The following LARP4 variants were observed in gnomAD, a reference collection of about 807,000 sequenced individuals.
LARP4 encodes the protein la-related protein 4.
In LARP4, 29 loss-of-function variants were observed where a neutral mutation model predicts 92.9. The observed-to-expected ratio is 0.31, with a 90% CI of 0.23 to 0.43. LARP4 has a LOEUF of 0.43. Ranked by LOEUF, LARP4 falls within the 20% of genes least tolerant of loss-of-function variation. The probability of loss-of-function intolerance (pLI) is 1.00; values close to 1 mark genes in which losing one functional copy is unlikely to be tolerated. For missense variants in LARP4, 732 were observed against 860.0 expected (o/e 0.85, Z 1.86); for synonymous variants, 279 against 284.1 (o/e 0.98, Z 0.18).
chr12:50,430,174 A>C (rs1247407989), intron 3 of LARP4, among the ~76,000 whole-genome samples: 1 of 152,118 alleles, frequency 6.6e-6, no homozygotes, highest in African/African-American at 2.4e-5. Context: ...TCTGGGCAAC[A>C]TAATGAGAGC....
chr12:50,476,100 A>G lies in LARP4; in HGVS notation c.*236A>G, dbSNP rs901983936. On this transcript the variant is annotated 3_prime_UTR_variant, in exon 16 of 16. Coordinates refer to ENST00000398473, the MANE Select transcript of LARP4 (RefSeq NM_052879.5). ...AATATATATATATATATACACACACATATATAAAAAGTATAATTTTTCTAT... is the reference window on the plus strand; with the variant it reads ...AATATATATATATATATACACACACGTATATAAAAAGTATAATTTTTCTAT... 4.8e-6 allele frequency: 1 copy of G among 209,988 alleles called. No individual in the cohort carries two copies. Among genetic ancestry groups the G allele is most frequent in the Admixed American group, 5.8e-5 (1 of 17,326 alleles). 13.0% of individuals were successfully genotyped at this position (209,988 alleles called of 1,614,324 possible). A position where few individuals can be genotyped will look rare whatever the true frequency, so the allele number is the denominator to read the frequency against.
At chr12:50,468,880 CAAACAT>C (rs1400899835) in intron 13 of LARP4, among the ~76,000 whole-genome samples, 2 of 151,936 alleles carry the variant, frequency 1.3e-5, no homozygotes, top group Admixed American at 1.3e-4. Flanking sequence ...GGCTGAGACT[CAAACAT>C]AATATACTAT....
Position 50,400,915 on chromosome 12 carries a change from G to C in LARP4, c.-96G>C. On this transcript the variant is annotated 5_prime_UTR_variant, in exon 1 of 16. Transcript: ENST00000398473. The stretch of plus-strand genomic sequence containing the variant: ...GGTCCACTGCCGGGTGGAGGGGCAA[G>C]GCGAGTGTGTGTCCTTATCCTAGCA... The C allele has an allele frequency of 6.4e-7, 1 of 1,562,744 alleles. No individual in the cohort carries two copies.
chr12:50,446,196 C>T (rs1449360289), intron 8 of LARP4, among the ~76,000 whole-genome samples: 4 of 148,724 alleles, frequency 2.7e-5, no homozygotes, highest in African/African-American at 7.4e-5. Flanking sequence ...TTAGTAGAGA[C>T]GGGGTTTCAT....
chr12:50,464,107 T>C (rs1955830574), intron 12 of LARP4, among the ~76,000 whole-genome samples: 1 of 152,212 alleles, frequency 6.6e-6, no homozygotes, highest in Admixed American at 6.5e-5. Context: ...TTTATAGCAG[T>C]GCTCCACTCC....
In LARP4 at chr12:50,453,580, C is replaced by G; in HGVS notation, c.925C>G (p.Pro309Ala). 6.2e-7 allele frequency: 1 copy of G among 1,613,158 alleles called. No individual in the cohort carries two copies. The highest frequency in any genetic ancestry group is 8.5e-7 in the Non-Finnish European group (1 of 1,179,194). ...GTATGCCTCCCCAGTCTTTATGCAG[C>G]CTGTATATAATCCTCACCAACAGTA... ...AQYASPVFMQ[P>A]VYNPHQQYSV... Residue 309 changes from proline (P) to alanine (A), a missense_variant, in exon 9 of 16, where the codon CCT becomes GCT. Coordinates refer to ENST00000398473, the MANE Select transcript of LARP4 (RefSeq NM_052879.5).
rs1265382552 is a variant in LARP4 at position 50,475,763 on chromosome 12, A to C, written c.2074A>C (p.Ile692Leu). 1 of 1,614,186 alleles carries C rather than the reference A, an allele frequency of 6.2e-7. No homozygotes were observed. Among genetic ancestry groups the C allele is most frequent in the African/African-American group, 1.3e-5 (1 of 75,052 alleles). Residue 692 changes from isoleucine (I) to leucine (L), a missense_variant, in exon 16 of 16, where the codon ATC (isoleucine) becomes CTC (leucine). Ile to Leu is a conservative substitution (Grantham distance 5). Coordinates refer to ENST00000398473, the MANE Select transcript of LARP4 (RefSeq NM_052879.5). ...NIIPRGAAGK[I>L]REQRRQFSHR... ...AATCCCCAGGGGAGCAGCAGGAAAA[A>C]TCAGGGAACAGAGACGCCAGTTTAG...
intron 5 of LARP4, among the ~76,000 whole-genome samples, chr12:50,436,120 GATA>G (rs1191207729): frequency 0.013 from 1,705 of 135,902 alleles, 49 homozygotes; most frequent in African/African-American, 0.043. Context: ...GTGTGTGTGT[GATA>G]TGTGTGTGTG....
At chr12:50,440,887 CTTTTT>C (rs965808100) in intron 7 of LARP4, among the ~76,000 whole-genome samples, 44 of 143,238 alleles carry the variant, frequency 3.1e-4, no homozygotes, top group African/African-American at 1.1e-3. Context: ...TGGTTTTATT[CTTTTT>C]TTTTTTTTTG....
chr12:50,434,149 G>A (rs1172861033), intron 4 of LARP4, among the ~76,000 whole-genome samples: 11 of 152,146 alleles, frequency 7.2e-5, no homozygotes, highest in Admixed American at 3.9e-4. Context: ...CAGGAATCAG[G>A]AATGCTGGGG....
chr12:50,427,766 T>C lies in LARP4; in HGVS notation c.23T>C (p.Val8Ala). The C allele has an allele frequency of 6.5e-7, 1 of 1,534,368 alleles. No individual in the cohort carries two copies. The highest frequency in any genetic ancestry group is 8.8e-7 in the Non-Finnish European group (1 of 1,131,402). The change falls in exon 2 of 16, where the codon GTA (valine) becomes GCA (alanine). Residue 8 changes from valine (V) to alanine (A), a missense_variant. Val to Ala is a moderately conservative substitution (Grantham distance 64). Around this residue, in one of 7 missense-constraint regions of LARP4, gnomAD observed 236 missense variants for 307.6 expected, o/e 0.77. Transcript: ENST00000398473. The part of the protein sequence containing the change: MLLFVEQ[V>A]ASKGTGLNPN... ...ATAGATCCTTCGATTATTTAGCAGG[T>C]AGCATCTAAAGGAACTGGTTTAAAT...
At chr12:50,442,677 T>G (rs1385355674) in intron 8 of LARP4, among the ~76,000 whole-genome samples, 1 of 152,230 alleles carries the variant, frequency 6.6e-6, no homozygotes, top group African/African-American at 2.4e-5. Context: ...TTAAGCACTT[T>G]ACATGTATTG....
At chr12:50,434,479 C>T (rs1303520526) in intron 4 of LARP4, among the ~76,000 whole-genome samples, 4 of 148,618 alleles carry the variant, frequency 2.7e-5, no homozygotes, top group Admixed American at 6.7e-5. Flanking sequence ...AGTGCAGTGG[C>T]GTGATCTCGG....
intron 1 of LARP4, among the ~76,000 whole-genome samples, chr12:50,401,760 A>G (rs1592666704): frequency 6.6e-6 from 1 of 152,226 alleles, no homozygotes; most frequent in East Asian, 1.9e-4. Context: ...ATTCCGGGAA[A>G]AGCCGTTTTT....
At chr12:50,407,882 C>A (rs1385578857) in intron 1 of LARP4, among the ~76,000 whole-genome samples, 1 of 152,096 alleles carries the variant, frequency 6.6e-6, no homozygotes, top group Non-Finnish European at 1.5e-5. Context: ...TTTGCACTTA[C>A]TCTTTTGAAA....
rs778561867 is a variant in LARP4 at position 50,473,581 on chromosome 12, T to C, written c.1667+45T>C. The C allele has an allele frequency of 1.5e-5, 24 of 1,584,714 alleles. No individual in the cohort carries two copies. The Admixed American group carries it at 3.9e-4, about 26-fold the overall frequency. ...AGATCTTCAACATTAAATTACTTTT[T>C]CTGGCCGGGTGTGGTGGCTCTCACC... On this transcript the variant is annotated intron_variant, in intron 14 of 15. Coordinates refer to ENST00000398473, the MANE Select transcript of LARP4 (RefSeq NM_052879.5).
In LARP4 at chr12:50,460,986, AG is replaced by A. The variant is rs1955276267; in HGVS notation, c.1122-145del. 4.5e-6 allele frequency: 3 copies of A among 665,608 alleles called. No individual in the cohort carries two copies. In the African/African-American group the frequency reaches 5.5e-5, roughly 12 times the overall value. 41.2% of individuals were successfully genotyped at this position (665,608 alleles called of 1,614,324 possible). The stretch of plus-strand genomic sequence containing the variant: ...TTTAAAATAACATCTGGAATGTAAA[AG>A]GGGCAACACTTTTACAACATTATTC... On this transcript the variant is annotated intron_variant, in intron 10 of 15. Coordinates refer to ENST00000398473, the MANE Select transcript of LARP4 (RefSeq NM_052879.5).
chr12:50,421,151 A>T (rs1947710313), intron 1 of LARP4: 1 of 207,870 alleles, frequency 4.8e-6, no homozygotes, highest in Admixed American at 6.6e-5. Context: ...GTTTCGCTGT[A>T]TGTTGGCTAG....
intron 4 of LARP4, among the ~76,000 whole-genome samples, chr12:50,431,823 G>A (rs1352794806): frequency 1.3e-5 from 2 of 152,082 alleles, no homozygotes; most frequent in Admixed American, 6.6e-5. Context: ...CAGCCTGGGC[G>A]GCAAGAGCGA....
Sources: allele counts gnomAD v4.1 joint callset (sites outside exome capture counted in the v4.1 genomes callset), GRCh38; gene constraint gnomAD v4.1.1; regional missense constraint gnomAD v4.1.1; transcripts MANE v1.5; gene names NCBI Gene and HGNC (gene_info 2026-07-23, HGNC 2026-07-21).